Variants in PIK3R6 observed in about 807,000 individuals in gnomAD.
PIK3R6 encodes the protein phosphoinositide 3-kinase regulatory subunit 6.
A neutral mutation model predicts 84.9 loss-of-function variants in PIK3R6; 91 were observed. The observed-to-expected ratio is 1.07, with a 90% confidence interval of 0.90 to 1.28. The LOEUF is 1.28. Among genes scored for constraint, PIK3R6 ranks in the 50% most tolerant of loss-of-function variants. The probability of loss-of-function intolerance (pLI) is 0.00; values close to 1 mark genes in which losing one functional copy is unlikely to be tolerated. For missense variants in PIK3R6, 996 were observed against 985.1 expected, an observed-to-expected ratio of 1.01 and a Z score of -0.15; for synonymous variants, 416 against 411.4, an observed-to-expected ratio of 1.01 and a Z score of -0.13.
Position 8,828,916 on chromosome 17 carries a change from G to A in PIK3R6, c.964C>T (p.Gln322Ter). Residue 322 changes from glutamine to a stop codon, truncating the protein, a stop_gained, in exon 11 of 20, where the codon CAG (glutamine) becomes TAG (stop). Coordinates refer to ENST00000619866, the MANE Select transcript of PIK3R6 (RefSeq NM_001010855.4). LOFTEE classifies it high-confidence loss of function. The part of the protein sequence containing the change: ...LSADLEVLDL[Q>*]GLRPDRELAR... ...AACTCCCGGTCCGGCCGGAGGCCCT[G>A]CAGATCCAAGACCTCCAAGTCAGCA... is the stretch of plus-strand genomic sequence containing the variant. 2 of 1,538,730 alleles carry A rather than the reference G, an allele frequency of 1.3e-6. No individual in the cohort carries two copies. The highest frequency in any genetic ancestry group is 1.4e-5 in the African/African-American group (1 of 72,326).
Position 8,853,944 on chromosome 17 carries a change from A to C in PIK3R6, c.-91-4059T>G, listed in dbSNP as rs1041652656. ...TGCCACTGTACTCTAGCCTGGTGACAGAGAGAGACTCCGTCTGAAAAAAAA... is the reference window on the plus strand; with the variant it reads ...TGCCACTGTACTCTAGCCTGGTGACCGAGAGAGACTCCGTCTGAAAAAAAA... On this transcript the variant is annotated intron_variant, in intron 1 of 19. Coordinates refer to ENST00000619866, the MANE Select transcript of PIK3R6 (RefSeq NM_001010855.4). 1.5e-4 allele frequency among the ~76,000 whole-genome samples: 22 copies of C among 148,868 alleles called. No individual in the cohort carries two copies. The South Asian group carries it at 4.7e-3, about 32-fold the overall frequency.
chr17:8,823,087 C>T lies in PIK3R6; in HGVS notation c.1627-1G>A, dbSNP rs1379774486. On this transcript the variant is annotated splice_acceptor_variant, in intron 14 of 19. Transcript: ENST00000619866. LOFTEE classifies it high-confidence loss of function. ...CTTGGCTCAGGTCACTGAAAAAGAT[C>T]TGGAGAGAGGAAGGGAGGGTGGCAT... is the stretch of plus-strand genomic sequence containing the variant. 1 of 1,591,688 alleles carries T rather than the reference C, an allele frequency of 6.3e-7. No individual in the cohort carries two copies. The highest frequency in any genetic ancestry group is 8.6e-7 in the Non-Finnish European group (1 of 1,159,786).
intron 18 of PIK3R6, among the ~76,000 whole-genome samples, chr17:8,816,567 C>G (rs1488386680): frequency 6.6e-6 from 1 of 152,114 alleles, no homozygotes; most frequent in Middle Eastern, 3.4e-3. Context: ...AAAAGTATTT[C>G]CAAAATTTAT....
In PIK3R6 at chr17:8,844,024, C is replaced by T. The variant is rs903556675; in HGVS notation, c.14-4327G>A. 2.6e-5 allele frequency among the ~76,000 whole-genome samples: 4 copies of T among 152,108 alleles called. No individual in the cohort carries two copies. Among genetic ancestry groups the T allele is most frequent in the Admixed American group, 6.6e-5 (1 of 15,258 alleles). ...AGGTTGGATTCCCTAAGACTGTGAA[C>T]GCACAAGGGATATAGGGTTCCAGGG... On this transcript the variant is annotated intron_variant, in intron 2 of 19. Transcript: ENST00000619866. The surrounding 1 kb of genome is among the most constrained non-coding windows in gnomAD (Gnocchi z 4.5).
chr17:8,823,311 C>T, intron 14 of PIK3R6, 76 bp downstream of exon 14: 1 of 1,137,096 alleles, frequency 8.8e-7, no homozygotes, highest in Non-Finnish European at 1.3e-6. Context: ...GGCCTGGTGA[C>T]CAGTGTTTCC....
chr17:8,867,592 G>A lies in PIK3R6; in HGVS notation c.-155C>T, dbSNP rs891525385. 4 of 512,680 alleles carry A rather than the reference G, an allele frequency of 7.8e-6. No homozygotes were observed. The highest frequency in any genetic ancestry group is 1.6e-5 in the Non-Finnish European group (4 of 255,980). The allele number at this position is 512,680 out of a possible 1,614,324, so 31.8% of individuals were successfully genotyped here. A position where few individuals can be genotyped will look rare whatever the true frequency, so the allele number is the denominator to read the frequency against. Reference sequence around the variant, plus strand: ...CAGCCAACTCCCCACGGTCCTGAGCGAGGTCCCCAGTCCCAGAGAAGCAGA... The same window carrying A: ...CAGCCAACTCCCCACGGTCCTGAGCAAGGTCCCCAGTCCCAGAGAAGCAGA... On this transcript the variant is annotated 5_prime_UTR_variant, in exon 1 of 20. Transcript: ENST00000619866.
At chr17:8,836,750 G>A (rs1282273849) in intron 6 of PIK3R6, 41 bp downstream of exon 6, 7 of 1,610,716 alleles carry the variant, frequency 4.3e-6, no homozygotes, top group Non-Finnish European at 5.9e-6. Flanking sequence ...GGCAATGTTG[G>A]AGGTGCAGCG....
At chr17:8,837,933 A>G in intron 4 of PIK3R6, 62 bp from the exon 5 acceptor site, 1 of 1,443,776 alleles carries the variant, frequency 6.9e-7, no homozygotes. Flanking sequence ...TCATAGCGGG[A>G]GGCAGTCTAG....
chr17:8,857,840 C>T (rs2089178329), intron 1 of PIK3R6, among the ~76,000 whole-genome samples: 1 of 147,708 alleles, frequency 6.8e-6, no homozygotes, highest in Non-Finnish European at 1.5e-5. Context: ...GCAGAGGTTG[C>T]AGTGAGCTGC....
chr17:8,803,970 G>A lies in PIK3R6; in HGVS notation c.2108+71C>T. 2 of 1,344,982 alleles carry A rather than the reference G, an allele frequency of 1.5e-6. No homozygotes were observed. Among genetic ancestry groups the A allele is most frequent in the Non-Finnish European group, 2.1e-6 (2 of 947,218 alleles). 83.3% of individuals were successfully genotyped at this position (1,344,982 alleles called of 1,614,324 possible). On this transcript the variant is annotated intron_variant, in intron 19 of 19. Coordinates refer to ENST00000619866, the MANE Select transcript of PIK3R6 (RefSeq NM_001010855.4). The surrounding 1 kb of genome is among the most constrained non-coding windows in gnomAD (Gnocchi z 5.0). ...TGCCTTGAGCTAGAGGCAGGAGATG[G>A]CAGGAGCTGGCTCCTGCTTCAGTTT... is the stretch of plus-strand genomic sequence containing the variant.
chr17:8,822,986 A>G lies in PIK3R6; in HGVS notation c.1717+10T>C. 6.3e-7 allele frequency: 1 copy of G among 1,583,804 alleles called. No individual in the cohort carries two copies. Among genetic ancestry groups the G allele is most frequent in the Non-Finnish European group, 8.7e-7 (1 of 1,152,480 alleles). On this transcript the variant is annotated intron_variant, in intron 15 of 19. Coordinates refer to ENST00000619866, the MANE Select transcript of PIK3R6 (RefSeq NM_001010855.4). ...GGGTGACCTTTGGCAAAAGGGAGGCAGATGCTTACCTTTGGGGAATTTAGA... is the reference window on the plus strand; with the variant it reads ...GGGTGACCTTTGGCAAAAGGGAGGCGGATGCTTACCTTTGGGGAATTTAGA...
rs914108009 is a variant in PIK3R6, at chr17:8,839,533, C to T, written c.97+81G>A. The T allele has an allele frequency of 8.4e-7, 1 of 1,187,764 alleles. No individual in the cohort carries two copies. The highest frequency in any genetic ancestry group is 2.7e-4 in the Middle Eastern group (1 of 3,674). The allele number at this position is 1,187,764 out of a possible 1,614,324, so 73.6% of individuals were successfully genotyped here. On this transcript the variant is annotated intron_variant, in intron 3 of 19. Transcript: ENST00000619866. This position sits in a 1 kb window ranked among gnomAD's most constrained non-coding sequence, Gnocchi z 4.2. ...GCCCCCTGAGCTCCAGGCCGGGGCT[C>T]TTTCCTGTATGCGCGTGTATTGTTG... is the stretch of plus-strand genomic sequence containing the variant.
rs746122188 is a variant in PIK3R6, at chr17:8,804,110, C to A, written c.2039G>T (p.Ser680Ile). 1.2e-6 allele frequency: 2 copies of A among 1,614,042 alleles called. No homozygotes were observed. The highest frequency in any genetic ancestry group is 2.2e-5 in the South Asian group (2 of 91,086). The change falls in exon 19 of 20, where the codon AGC (serine) becomes ATC (isoleucine). Residue 680 changes from serine (S) to isoleucine (I), a missense_variant. By Grantham distance (142) the Ser-to-Ile change is moderately radical. Coordinates refer to ENST00000619866, the MANE Select transcript of PIK3R6 (RefSeq NM_001010855.4). ...CAGTGTCAGCAGCCTCTGGTCCCGG[C>A]TCTGGATCTGGATATTGTTCGTCCT... is the stretch of plus-strand genomic sequence containing the variant. ...TFRTNNIQIQ[S>I]RDQRLLTLSL... is the part of the protein sequence containing the mutation.
intron 1 of PIK3R6, among the ~76,000 whole-genome samples, chr17:8,855,516 T>C (rs2089114051): frequency 6.6e-6 from 1 of 152,166 alleles, no homozygotes; most frequent in South Asian, 2.1e-4. Flanking sequence ...GAGATCTCAC[T>C]ATATGCCTAT....
intron 13 of PIK3R6, 50 bp from the exon 14 acceptor site, chr17:8,823,547 G>A: frequency 7.8e-7 from 1 of 1,285,994 alleles, no homozygotes; most frequent in Non-Finnish European, 1.1e-6. Context: ...AGGCCACTGT[G>A]GGAGATGCCA....
rs78886510 is a variant in PIK3R6 at position 8,818,087 on chromosome 17, C to T, written c.1995+996G>A. On this transcript the variant is annotated intron_variant, in intron 18 of 19. Coordinates refer to ENST00000619866, the MANE Select transcript of PIK3R6 (RefSeq NM_001010855.4). ...AGGGCTGAGTGATCCCAAGGATCCG[C>T]GTGAGCGGGAGGTCATGAGTTTGCT... 2.7e-3 allele frequency among the ~76,000 whole-genome samples: 412 copies of T among 152,186 alleles called. 3 individuals are homozygous for T. The highest frequency in any genetic ancestry group is 3.9e-3 in the Non-Finnish European group (267 of 68,000).
rs1555535463 is a variant in PIK3R6 at position 8,836,808 on chromosome 17, G to C, written c.374C>G (p.Thr125Arg). ...ACTCTTACCTGGGACAGCCATCTCC[G>C]TTTTCAGCCTTATCGCGCAGTCCAA... ...VALDCAIRLK[T>R]EMAVPGTLYQ... is the part of the protein sequence containing the mutation. Residue 125 changes from threonine to arginine, a missense_variant, in exon 6 of 20, where the codon ACG becomes AGG. Thr to Arg is a moderately conservative substitution (Grantham distance 71, BLOSUM62 -1). Coordinates refer to ENST00000619866, the MANE Select transcript of PIK3R6 (RefSeq NM_001010855.4). 3.1e-6 allele frequency: 5 copies of C among 1,607,978 alleles called. No individual in the cohort carries two copies. In the Admixed American group the frequency reaches 6.8e-5, roughly 22 times the overall value.
chr17:8,822,698 G>A, intron 15 of PIK3R6, 41 bp from the exon 16 acceptor site: 2 of 1,594,634 alleles, frequency 1.3e-6, no homozygotes, highest in Non-Finnish European at 1.7e-6. Flanking sequence ...GAGGTTCCCA[G>A]GCCTCTTGCC....
intron 1 of PIK3R6, among the ~76,000 whole-genome samples, chr17:8,865,480 G>A (rs1308601056): frequency 6.6e-6 from 1 of 152,212 alleles, no homozygotes; most frequent in Non-Finnish European, 1.5e-5. Flanking sequence ...CACTCCTGTG[G>A]CACAGAGAGA....
Sources: allele counts gnomAD v4.1 joint callset (sites outside exome capture counted in the v4.1 genomes callset), GRCh38; gene constraint gnomAD v4.1.1; non-coding constraint Gnocchi (gnomAD v3.1); transcripts MANE v1.5; gene names NCBI Gene and HGNC (gene_info 2026-07-23, HGNC 2026-07-21).